PHACTR2: variants seen among roughly 807,000 people sequenced by gnomAD.
PHACTR2 encodes phosphatase and actin regulator 2.
PHACTR2 carries 30 observed loss-of-function variants against 76.0 expected under a neutral mutation model. The observed-to-expected ratio is 0.39, with a 90% CI of 0.30 to 0.54. PHACTR2 has a LOEUF of 0.54. PHACTR2 is among the 20% of genes least tolerant of loss of function. PHACTR2 has a pLI of 0.61. For missense variants in PHACTR2, 696 were observed against 781.1 expected (o/e 0.89, Z 1.30); for synonymous variants, 292 against 292.5 (o/e 1.00, Z 0.02).
Position 143,807,159 on chromosome 6 carries a change from A to AG in PHACTR2, c.1922+26_1922+27insG. Reference sequence around the variant, plus strand: ...GTAGGTGACAAAATGCAGCTTAGAAATTGAAAATGCTTAAGATGTGATCCC... The same window carrying AG: ...GTAGGTGACAAAATGCAGCTTAGAAAGTTGAAAATGCTTAAGATGTGATCCC... On this transcript the variant is annotated intron_variant, in intron 12 of 12. Transcript: ENST00000440869. The surrounding 1 kb of genome is among the most constrained non-coding windows in gnomAD (Gnocchi z 5.5). 1.4e-6 allele frequency: 2 copies of AG among 1,396,908 alleles called. No homozygotes were observed. Among genetic ancestry groups the AG allele is most frequent in the Non-Finnish European group, 2.0e-6 (2 of 991,680 alleles). The allele number at this position is 1,396,908 out of a possible 1,614,324, so 86.5% of individuals were successfully genotyped here. A position where few individuals can be genotyped will look rare whatever the true frequency, so the allele number is the denominator to read the frequency against.
chr6:143,698,695 A>G lies in PHACTR2; in HGVS notation c.47-13321A>G, dbSNP rs1004168864. The stretch of plus-strand genomic sequence containing the variant: ...ACACTGCAGGTCTACGTTTGGGTGG[A>G]TGGTTGTTTGACTAATGTCAGCCTC... On this transcript the variant is annotated intron_variant, in intron 1 of 12. Transcript: ENST00000440869. This position sits in a 1 kb window ranked among gnomAD's most constrained non-coding sequence, Gnocchi z 4.3. 1.3e-5 allele frequency among the ~76,000 whole-genome samples: 2 copies of G among 152,162 alleles called. No individual in the cohort carries two copies. Among genetic ancestry groups the G allele is most frequent in the Non-Finnish European group, 2.9e-5 (2 of 68,028 alleles).
In PHACTR2 at chr6:143,764,695, T is replaced by C. The variant is rs551521192; in HGVS notation, c.695-566T>C. On this transcript the variant is annotated intron_variant, in intron 5 of 12. Transcript: ENST00000440869. The surrounding 1 kb of genome is among the most constrained non-coding windows in gnomAD (Gnocchi z 4.7). ...GAGTCCAGCATGGCGAGCTTTCTTC[T>C]CTGGAGCTACTGGAAAGCTGGTGTG... Among the ~76,000 whole-genome samples the C allele has an allele frequency of 4.1e-4, 63 of 152,298 alleles. No homozygotes were observed. Among genetic ancestry groups the C allele is most frequent in the African/African-American group, 1.5e-3 (62 of 41,562 alleles).
Position 143,539,272 on chromosome 6 carries a change from C to T in PHACTR2, c.217+2065C>T, listed in dbSNP as rs62429087. Reference sequence around the variant, plus strand: ...AAGTGAAACCTTTCAGCTCAGTTGTCCCATGTGCCGCAGGATGCTGGCACA... The same window carrying T: ...AAGTGAAACCTTTCAGCTCAGTTGTTCCATGTGCCGCAGGATGCTGGCACA... On this transcript the variant is annotated intron_variant, in intron 1 of 11. Coordinates refer to the PHACTR2 transcript ENST00000367584. The surrounding 1 kb of genome is among the most constrained non-coding windows in gnomAD (Gnocchi z 4.3). Among the ~76,000 whole-genome samples the T allele has an allele frequency of 2.8e-3, 429 of 152,314 alleles. 1 individual carries two copies. The highest frequency in any genetic ancestry group is 4.2e-3 in the Admixed American group (65 of 15,308).
In PHACTR2 at chr6:143,733,446, A is replaced by G. The variant is rs1778752148; in HGVS notation, c.215-15539A>G. ...CGAATGAATGAATGAATGGCTCTTG[A>G]TGGACCTTATCCCATCCTATATATG... is the stretch of plus-strand genomic sequence containing the variant. On this transcript the variant is annotated intron_variant, in intron 2 of 12. Coordinates refer to ENST00000440869, the MANE Select transcript of PHACTR2 (RefSeq NM_001100164.2). The surrounding 1 kb of genome is among the most constrained non-coding windows in gnomAD (Gnocchi z 4.0). 6.6e-6 allele frequency among the ~76,000 whole-genome samples: 1 copy of G among 152,182 alleles called. No homozygotes were observed. The highest frequency in any genetic ancestry group is 2.1e-4 in the South Asian group (1 of 4,830).
rs1298757188 is a variant in PHACTR2, at chr6:143,760,902, G to A, written c.694+262G>A. Among the ~76,000 whole-genome samples, 3 of 152,148 alleles carry A rather than the reference G, an allele frequency of 2.0e-5. No individual in the cohort carries two copies. Among genetic ancestry groups the A allele is most frequent in the Non-Finnish European group, 4.4e-5 (3 of 68,020 alleles). On this transcript the variant is annotated intron_variant, in intron 5 of 12. Transcript: ENST00000440869. The surrounding 1 kb of genome is among the most constrained non-coding windows in gnomAD (Gnocchi z 6.4). ...TGAGTATCCACTATCAGCACCAGTT[G>A]AAGGATACTGGGAGTAGTATGCCTG...
chr6:143,719,242 T>C (rs1778382239), intron 2 of PHACTR2, among the ~76,000 whole-genome samples: 5 of 149,452 alleles, frequency 3.3e-5, no homozygotes, highest in Admixed American at 2.0e-4. Context: ...GGAAGGAATC[T>C]TTCCTTTTTC....
intron 1 of PHACTR2, among the ~76,000 whole-genome samples, chr6:143,609,267 A>G (rs7757372): frequency 0.32 from 48,836 of 152,134 alleles, 9,262 homozygotes; most frequent in African/African-American, 0.54. Flanking sequence ...AGTCCTCGGC[A>G]CAGGTAGCAT....
rs1455595853 is a variant in PHACTR2, at chr6:143,654,961, C to T, written c.13+46639C>T. Among the ~76,000 whole-genome samples the T allele has an allele frequency of 6.6e-6, 1 of 151,994 alleles. No homozygotes were observed. The highest frequency in any genetic ancestry group is 2.4e-5 in the African/African-American group (1 of 41,386). Reference sequence around the variant, plus strand: ...TCACCTGAGGTCAGGAGTTCAAGACCAGCCTGGCCAACATGGAGAAACCCC... The same window carrying T: ...TCACCTGAGGTCAGGAGTTCAAGACTAGCCTGGCCAACATGGAGAAACCCC... On this transcript the variant is annotated intron_variant, in intron 1 of 11. Coordinates refer to the PHACTR2 transcript ENST00000305766. This position sits in a 1 kb window ranked among gnomAD's most constrained non-coding sequence, Gnocchi z 4.6.
At chr6:143,720,603 G>T (rs539303587) in intron 2 of PHACTR2, among the ~76,000 whole-genome samples, 2 of 152,140 alleles carry the variant, frequency 1.3e-5, no homozygotes, top group Non-Finnish European at 2.9e-5. Flanking sequence ...CGAACCTCAT[G>T]GTTGTTAATC....
At chr6:143,686,053 AC>A (rs1256798727) in intron 1 of PHACTR2, among the ~76,000 whole-genome samples, 2 of 150,428 alleles carry the variant, frequency 1.3e-5, no homozygotes, top group Non-Finnish European at 2.9e-5. Flanking sequence ...AATTGCTTGA[AC>A]TCGGGAGGCG....
chr6:143,645,883 G>A (rs1776652016), intron 1 of PHACTR2, among the ~76,000 whole-genome samples: 1 of 152,108 alleles, frequency 6.6e-6, no homozygotes, highest in Non-Finnish European at 1.5e-5. Flanking sequence ...ATTTTTTAAA[G>A]TGTGTATTCG....
In PHACTR2 at chr6:143,546,854, C is replaced by T. The variant is rs1358318746; in HGVS notation, c.217+9647C>T. On this transcript the variant is annotated intron_variant, in intron 1 of 11. Transcript: ENST00000367584. The surrounding 1 kb of genome is among the most constrained non-coding windows in gnomAD (Gnocchi z 4.9). ...AAGCCTGGGCAACATAGTGAGACCC[C>T]ATCTCAAAAAAAAAAAAAATAAAAA... 8.1e-6 allele frequency among the ~76,000 whole-genome samples: 1 copy of T among 123,238 alleles called. No homozygotes were observed. Among genetic ancestry groups the T allele is most frequent in the Non-Finnish European group, 1.7e-5 (1 of 57,470 alleles). 80.8% of individuals were successfully genotyped at this position (123,238 alleles called of 152,430 possible).
chr6:143,620,437 T>C (rs1467321534), intron 1 of PHACTR2, among the ~76,000 whole-genome samples: 1 of 142,370 alleles, frequency 7.0e-6, no homozygotes, highest in Non-Finnish European at 1.5e-5. Flanking sequence ...TGAAGTTTTT[T>C]TTTTTTGGAA....
At position 143,760,157 on chromosome 6, in the gene PHACTR2, C is replaced by T. The variant is rs570296641; in HGVS notation, c.455-244C>T. Among the ~76,000 whole-genome samples, 5 of 152,300 alleles carry T rather than the reference C, an allele frequency of 3.3e-5. No homozygotes were observed. Among genetic ancestry groups the T allele is most frequent in the South Asian group, 4.1e-4 (2 of 4,830 alleles). ...TTTACACACATCCTCAACCTAATTT[C>T]GTCAAAGTAGTTTGTATAACCCGGT... On this transcript the variant is annotated intron_variant, in intron 4 of 12. Coordinates refer to ENST00000440869, the MANE Select transcript of PHACTR2 (RefSeq NM_001100164.2). This position sits in a 1 kb window ranked among gnomAD's most constrained non-coding sequence, Gnocchi z 6.4.
chr6:143,765,923 A>G lies in PHACTR2; in HGVS notation c.1232+125A>G. 12 of 780,354 alleles carry G rather than the reference A, an allele frequency of 1.5e-5. No individual in the cohort carries two copies. Among genetic ancestry groups the G allele is most frequent in the Non-Finnish European group, 2.2e-5 (11 of 497,400 alleles). 48.3% of individuals were successfully genotyped at this position (780,354 alleles called of 1,614,324 possible). On this transcript the variant is annotated intron_variant, in intron 6 of 12. Transcript: ENST00000440869. This position sits in a 1 kb window ranked among gnomAD's most constrained non-coding sequence, Gnocchi z 4.1. ...AATCTACTGAGTGTTAGGTAGGCAT[A>G]CATGTGATCCAACCATTGCTTTGTC...
chr6:143,798,747 TG>T (rs1409603259), intron 11 of PHACTR2, among the ~76,000 whole-genome samples: 23 of 152,346 alleles, frequency 1.5e-4, no homozygotes, highest in African/African-American at 5.5e-4. Context: ...GACTTGATCA[TG>T]GTGGATCAGC....
At position 143,688,175 on chromosome 6, in the gene PHACTR2, C is replaced by T. The variant is rs553223442; in HGVS notation, c.46+9966C>T. On this transcript the variant is annotated intron_variant, in intron 1 of 12. Transcript: ENST00000440869. This position sits in a 1 kb window ranked among gnomAD's most constrained non-coding sequence, Gnocchi z 5.2. ...AGCCACAGGCAATGGGAACCACTGA[C>T]GCTTTTTTTTTTTTAAATCAAACCA... 6.6e-5 allele frequency among the ~76,000 whole-genome samples: 7 copies of T among 105,758 alleles called. No individual in the cohort carries two copies. The East Asian group carries it at 8.1e-4, about 12-fold the overall frequency. 69.4% of individuals were successfully genotyped at this position (105,758 alleles called of 152,430 possible).
At position 143,793,251 on chromosome 6, in the gene PHACTR2, C is replaced by G. The variant is rs1017788357; in HGVS notation, c.1845+4341C>G. ...GAAGGTAAAGCTCATTCATCTCTAG[C>G]TGTAACAGAGAGGATTTTTTTTTTT... On this transcript the variant is annotated intron_variant, in intron 11 of 12. Transcript: ENST00000440869. The surrounding 1 kb of genome is among the most constrained non-coding windows in gnomAD (Gnocchi z 4.4). 2.0e-5 allele frequency among the ~76,000 whole-genome samples: 3 copies of G among 152,068 alleles called. No homozygotes were observed. Among genetic ancestry groups the G allele is most frequent in the Non-Finnish European group, 2.9e-5 (2 of 67,998 alleles).
In PHACTR2 at chr6:143,556,836, T is replaced by TAA. The variant is rs1775181205; in HGVS notation, c.217+19629_217+19630insAA. 1.3e-5 allele frequency among the ~76,000 whole-genome samples: 2 copies of TAA among 152,204 alleles called. No homozygotes were observed. Among genetic ancestry groups the TAA allele is most frequent in the Admixed American group, 1.3e-4 (2 of 15,286 alleles). On this transcript the variant is annotated intron_variant, in intron 1 of 11. Transcript: ENST00000367584. This position sits in a 1 kb window ranked among gnomAD's most constrained non-coding sequence, Gnocchi z 4.3. ...TTTAGAAAAGCATGCTTTTAAAGTGTGTCATTTAAGAGTAAGTATTCTTTT... is the reference window on the plus strand; with the variant it reads ...TTTAGAAAAGCATGCTTTTAAAGTGTAAGTCATTTAAGAGTAAGTATTCTTTT...
Sources: gnomAD v4.1 joint callset for allele counts (sites outside exome capture counted in the v4.1 genomes callset) on GRCh38, gnomAD v4.1.1 for gene constraint, Gnocchi (gnomAD v3.1) non-coding constraint, MANE v1.5 for transcripts, NCBI Gene and HGNC (gene_info 2026-07-23, HGNC 2026-07-21) for gene names.